Variants in SULF1 observed in about 807,000 individuals in gnomAD.
The protein encoded by SULF1 is extracellular sulfatase Sulf-1.
A neutral mutation model predicts 110.5 loss-of-function variants in SULF1; 46 were observed. The observed-to-expected ratio is 0.42, with a 90% CI of 0.33 to 0.53. The LOEUF is 0.53. SULF1 is among the 20% of genes least tolerant of loss of function. The pLI is 0.12. For missense variants in SULF1, 941 were observed against 1,094.2 expected (o/e 0.86, Z 1.98); for synonymous variants, 371 against 387.1 (o/e 0.96, Z 0.49).
chr8:69,608,512 C>G (rs1388385943), intron 13 of SULF1, among the ~76,000 whole-genome samples: 3 of 152,050 alleles, frequency 2.0e-5, no homozygotes, highest in Non-Finnish European at 4.4e-5. Flanking sequence ...ATAGTGAAAC[C>G]CCATCTCTAC....
intron 13 of SULF1, among the ~76,000 whole-genome samples, chr8:69,620,560 A>G (rs186900338): frequency 4.6e-5 from 7 of 152,318 alleles, no homozygotes; most frequent in South Asian, 2.1e-4. Context: ...ATGGGCTCCA[A>G]TTAAATTCAT....
intron 3 of SULF1, among the ~76,000 whole-genome samples, chr8:69,526,844 A>G (rs1225460995): frequency 7.0e-6 from 1 of 143,186 alleles, no homozygotes; most frequent in African/African-American, 2.9e-5. Context: ...GAAGGAAGGG[A>G]GGAAGGAAGG....
chr8:69,527,057 C>A (rs1812747152), intron 3 of SULF1, among the ~76,000 whole-genome samples: 1 of 152,058 alleles, frequency 6.6e-6, no homozygotes. Context: ...GTGAACAGTT[C>A]TTGTTTGGCT....
chr8:69,497,501 A>G (rs1264148215), intron 2 of SULF1, among the ~76,000 whole-genome samples: 1 of 152,180 alleles, frequency 6.6e-6, no homozygotes, highest in Non-Finnish European at 1.5e-5. Context: ...TTAAGAGACA[A>G]TTAAAGGACA....
chr8:69,549,027 C>T (rs1339524057), intron 3 of SULF1, among the ~76,000 whole-genome samples: 1 of 152,138 alleles, frequency 6.6e-6, no homozygotes, highest in African/African-American at 2.4e-5. Context: ...TGGGCTCGAC[C>T]CTATGGCTTG....
At chr8:69,630,978 C>A (rs1413044843) in intron 19 of SULF1, among the ~76,000 whole-genome samples, 1 of 151,652 alleles carries the variant, frequency 6.6e-6, no homozygotes, top group Non-Finnish European at 1.5e-5. Flanking sequence ...CTGCCCCCAC[C>A]CTGCAACAGT....
In SULF1 at chr8:69,638,835, C is replaced by G. The variant is rs1563619536; in HGVS notation, c.2528C>G (p.Pro843Arg). The G allele has an allele frequency of 6.2e-7, 1 of 1,609,852 alleles. No individual in the cohort carries two copies. Residue 843 changes from proline (P) to arginine (R), a missense_variant, in exon 21 of 23, where the codon CCA becomes CGA. By Grantham distance (103) the Pro-to-Arg change is moderately radical. Around this residue, in one of 3 missense-constraint regions of SULF1, gnomAD observed 112 missense variants for 133.5 expected, o/e 0.84. Coordinates refer to ENST00000402687, the MANE Select transcript of SULF1 (RefSeq NM_001128205.2). ...TGTCAAGGATATAAGCAGTGCAACC[C>G]AAGACCTAAGAATCTTGATGTTGGT... Reference protein sequence around the residue: ...RSCQGYKQCNPRPKNLDVGNK... With the variant: ...RSCQGYKQCNRRPKNLDVGNK...
chr8:69,637,498 T>C (rs1296526580), intron 19 of SULF1: 2 of 153,580 alleles, frequency 1.3e-5, no homozygotes, highest in East Asian at 3.8e-4. Flanking sequence ...GAAGAGCAAG[T>C]AATACATTAT....
intron 3 of SULF1, among the ~76,000 whole-genome samples, chr8:69,534,519 A>T (rs1813307805): frequency 6.6e-6 from 1 of 152,202 alleles, no homozygotes. Context: ...GAAGTTTTAG[A>T]ATATATAAGA....
chr8:69,614,187 A>G (rs1339981981), intron 13 of SULF1, among the ~76,000 whole-genome samples: 1 of 152,224 alleles, frequency 6.6e-6, no homozygotes, highest in Non-Finnish European at 1.5e-5. Context: ...ATAACTCTGC[A>G]AAGGCTAATG....
chr8:69,643,873 T>TA (rs1253098169), intron 22 of SULF1, among the ~76,000 whole-genome samples: 1 of 152,208 alleles, frequency 6.6e-6, no homozygotes, highest in East Asian at 1.9e-4. Flanking sequence ...CTAAGTGTGT[T>TA]GCAAAATAGA....
At chr8:69,531,686 T>C (rs941453965) in intron 3 of SULF1, among the ~76,000 whole-genome samples, 2 of 152,242 alleles carry the variant, frequency 1.3e-5, no homozygotes, top group Admixed American at 6.5e-5. Context: ...TCTCTGCGGA[T>C]AACCTGTGTC....
At chr8:69,649,721 G>A (rs1157208105) in intron 22 of SULF1, among the ~76,000 whole-genome samples, 1 of 151,994 alleles carries the variant, frequency 6.6e-6, no homozygotes, top group Non-Finnish European at 1.5e-5. Flanking sequence ...TTTTTGTCAG[G>A]AATACCACAT....
In SULF1 at chr8:69,620,679, C is replaced by T. The variant is rs115750188; in HGVS notation, c.1378-356C>T. The stretch of plus-strand genomic sequence containing the variant: ...CAGAGCAAGAGGGGTCTGGTGAAAG[C>T]AGTCCTGACAGCTGCACCGTGTGTC... On this transcript the variant is annotated intron_variant, in intron 13 of 22. Coordinates refer to ENST00000402687, the MANE Select transcript of SULF1 (RefSeq NM_001128205.2). 5.5e-3 allele frequency among the ~76,000 whole-genome samples: 842 copies of T among 152,332 alleles called. 10 individuals carry two copies. The highest frequency in any genetic ancestry group is 0.019 in the African/African-American group (796 of 41,572).
intron 3 of SULF1, among the ~76,000 whole-genome samples, chr8:69,511,526 T>A (rs995914650): frequency 6.6e-6 from 1 of 152,350 alleles, no homozygotes; most frequent in African/African-American, 2.4e-5. Flanking sequence ...GTAAAATAGA[T>A]CTGCCTCATC....
At chr8:69,587,737 C>G (rs536952648) in intron 7 of SULF1, among the ~76,000 whole-genome samples, 123 of 152,284 alleles carry the variant, frequency 8.1e-4, no homozygotes, top group Middle Eastern at 3.4e-3. Flanking sequence ...CTTTTTCATG[C>G]TCCTTGTTCA....
At chr8:69,626,769 G>A (rs1382849440) in intron 15 of SULF1, among the ~76,000 whole-genome samples, 3 of 152,236 alleles carry the variant, frequency 2.0e-5, no homozygotes, top group Non-Finnish European at 1.5e-5. Context: ...CTGCGAGTGT[G>A]GGGCCAGCCA....
At chr8:69,568,580 G>T (rs1399318127) in intron 5 of SULF1, among the ~76,000 whole-genome samples, 4 of 152,178 alleles carry the variant, frequency 2.6e-5, no homozygotes. Flanking sequence ...GTAGGACAAA[G>T]ATCATCATCC....
intron 13 of SULF1, among the ~76,000 whole-genome samples, chr8:69,615,472 T>A (rs1809021045): frequency 6.6e-6 from 1 of 152,214 alleles, no homozygotes; most frequent in South Asian, 2.1e-4. Context: ...AGTTAATTAC[T>A]TTATCTAACA....
Sources: gnomAD v4.1 joint callset for allele counts (sites outside exome capture counted in the v4.1 genomes callset) on GRCh38, gnomAD v4.1.1 for gene constraint, gnomAD v4.1.1 regional missense constraint, MANE v1.5 for transcripts, NCBI Gene and HGNC (gene_info 2026-07-23, HGNC 2026-07-21) for gene names.